Variants in SH3BGRL2 observed in about 807,000 individuals in gnomAD.
SH3BGRL2 encodes the protein SH3 domain-binding glutamic acid-rich-like protein 2.
Under a neutral mutation model 14.8 loss-of-function variants are expected in SH3BGRL2, and 21 were observed. That is an observed-to-expected ratio of 1.42 (90% confidence interval 1.01 to 2.05). SH3BGRL2 has a LOEUF of 2.05. SH3BGRL2 is among the 30% of genes most tolerant of loss of function. SH3BGRL2 has a pLI of 0.00. For synonymous variants in SH3BGRL2, 50 were observed against 47.8 expected (o/e 1.05, Z -0.19); for missense variants, 147 against 130.8 (o/e 1.12, Z -0.61).
chr6:79,611,302 A>T, the SH3BGRL2 span, among the ~76,000 whole-genome samples: 4 of 152,174 alleles, frequency 2.6e-5, no homozygotes, highest in Non-Finnish European at 5.9e-5. Context: ...TACCCAAAAA[A>T]TGATAATTGT....
chr6:79,586,879 G>A, the SH3BGRL2 span, among the ~76,000 whole-genome samples: 2 of 152,244 alleles, frequency 1.3e-5, no homozygotes, highest in Admixed American at 1.3e-4. Flanking sequence ...GACAAAAAAG[G>A]TGTTGTGTGG....
chr6:79,618,275 C>T, the SH3BGRL2 span, among the ~76,000 whole-genome samples: 101,827 of 152,100 alleles, frequency 0.67, 34,225 homozygotes, highest in East Asian at 0.78. Flanking sequence ...CTATGGACTA[C>T]GTGGATTTTT....
At chr6:79,607,184 A>G in the SH3BGRL2 span, among the ~76,000 whole-genome samples, 10 of 152,308 alleles carry the variant, frequency 6.6e-5, no homozygotes, top group East Asian at 1.5e-3. Context: ...AGCTGGTCCT[A>G]CAATTTTCTG....
intron 1 of SH3BGRL2, among the ~76,000 whole-genome samples, chr6:79,647,644 C>T (rs917966048): frequency 1.3e-5 from 2 of 151,932 alleles, no homozygotes; most frequent in Non-Finnish European, 2.9e-5. Flanking sequence ...ATAGGTAAGT[C>T]AGGAAGGCAG....
At chr6:79,630,845 G>C (rs953493121), upstream of SH3BGRL2, among the ~76,000 whole-genome samples, 5 of 152,060 alleles carry the variant, frequency 3.3e-5, no homozygotes, top group East Asian at 3.9e-4. Flanking sequence ...ACAAACAAAC[G>C]AGCCCAACCC....
At chr6:79,622,092 C>T in the SH3BGRL2 span, among the ~76,000 whole-genome samples, 1 of 152,102 alleles carries the variant, frequency 6.6e-6, no homozygotes, top group African/African-American at 2.4e-5. Flanking sequence ...CCTCCCTGTA[C>T]ACATCTTGTT....
chr6:79,540,436 A>AAAAT, the SH3BGRL2 span, among the ~76,000 whole-genome samples: 13,128 of 151,426 alleles, frequency 0.087, 1,332 homozygotes, highest in East Asian at 0.54. Flanking sequence ...TTCCGTCTCA[A>AAAAT]AAATAAATAA....
the SH3BGRL2 span, among the ~76,000 whole-genome samples, chr6:79,596,055 A>C: frequency 6.6e-6 from 1 of 152,210 alleles, no homozygotes; most frequent in Admixed American, 6.5e-5. Context: ...AAAATTAAAC[A>C]ATTCCATTTA....
chr6:79,586,700 C>G, the SH3BGRL2 span, among the ~76,000 whole-genome samples: 2 of 152,158 alleles, frequency 1.3e-5, no homozygotes, highest in Non-Finnish European at 2.9e-5. Context: ...CCCTTCTGTA[C>G]TAAGGCCTAT....
chr6:79,571,523 T>C, the SH3BGRL2 span, among the ~76,000 whole-genome samples: 3 of 152,188 alleles, frequency 2.0e-5, no homozygotes. Context: ...ATAGAAATTG[T>C]ATATATTCAA....
chr6:79,567,255 T>C, the SH3BGRL2 span, among the ~76,000 whole-genome samples: 1 of 152,196 alleles, frequency 6.6e-6, no homozygotes, highest in Admixed American at 6.5e-5. Context: ...TCAGAAAAAG[T>C]TTATTAAATC....
At chr6:79,581,937 T>A in the SH3BGRL2 span, among the ~76,000 whole-genome samples, 1 of 152,134 alleles carries the variant, frequency 6.6e-6, no homozygotes, top group Non-Finnish European at 1.5e-5. Flanking sequence ...TTCAGCAAAG[T>A]CTCAGGATAC....
At chr6:79,593,069 G>A in the SH3BGRL2 span, among the ~76,000 whole-genome samples, 2 of 152,150 alleles carry the variant, frequency 1.3e-5, no homozygotes, top group Non-Finnish European at 2.9e-5. Flanking sequence ...GCAAATGAGA[G>A]CCCAGTGTTG....
At chr6:79,588,192 C>T in the SH3BGRL2 span, among the ~76,000 whole-genome samples, 1 of 150,978 alleles carries the variant, frequency 6.6e-6, no homozygotes, top group Non-Finnish European at 1.5e-5. Context: ...ACTCGGGAGG[C>T]TGAGGCAGGA....
At chr6:79,569,660 A>G in the SH3BGRL2 span, among the ~76,000 whole-genome samples, 1 of 152,108 alleles carries the variant, frequency 6.6e-6, no homozygotes, top group African/African-American at 2.4e-5. Context: ...GAACTTTTTC[A>G]GGCCAACAAC....
At chr6:79,590,422 GTGATAT>G in the SH3BGRL2 span, among the ~76,000 whole-genome samples, 4 of 46,486 alleles carry the variant, frequency 8.6e-5, no homozygotes, top group South Asian at 9.5e-4. Flanking sequence ...TAAAGAAAAT[GTGATAT>G]ATATATATAT....
chr6:79,615,215 C>T, the SH3BGRL2 span, among the ~76,000 whole-genome samples: 5 of 152,240 alleles, frequency 3.3e-5, no homozygotes, highest in East Asian at 9.7e-4. Context: ...GGGAGACTCA[C>T]AAAAGATCAC....
At chr6:79,623,305 A>C in the SH3BGRL2 span, among the ~76,000 whole-genome samples, 1 of 151,044 alleles carries the variant, frequency 6.6e-6, no homozygotes, top group African/African-American at 2.4e-5. Context: ...CTGCCTCAAA[A>C]AAAAAAAAAA....
At chr6:79,684,087 A>G (rs575220566) in intron 2 of SH3BGRL2, among the ~76,000 whole-genome samples, 27 of 152,184 alleles carry the variant, frequency 1.8e-4, no homozygotes, top group Non-Finnish European at 3.2e-4. Flanking sequence ...CTCTATTTCG[A>G]AGATATGGAT....
Sources: gnomAD v4.1 joint callset for allele counts (sites outside exome capture counted in the v4.1 genomes callset) on GRCh38, gnomAD v4.1.1 for gene constraint, MANE v1.5 for transcripts, NCBI Gene and HGNC (gene_info 2026-07-23, HGNC 2026-07-21) for gene names.